GALNTL6: variants seen among roughly 807,000 people sequenced by gnomAD.
GALNTL6 encodes polypeptide N-acetylgalactosaminyltransferase like 6, also known as polypeptide N-acetylgalactosaminyltransferase-like 6.
A neutral mutation model predicts 73.7 loss-of-function variants in GALNTL6; 46 were observed. The ratio of observed to expected loss-of-function variants is 0.62; its 90% CI spans 0.49 to 0.80. The LOEUF (loss-of-function observed/expected upper bound fraction) is 0.80. Among genes scored for constraint, GALNTL6 ranks in the 30% least tolerant of loss-of-function variants. The pLI is 0.00. For synonymous variants in GALNTL6, 259 were observed against 263.7 expected (o/e 0.98, Z 0.17); for missense variants, 604 against 755.0 (o/e 0.80, Z 2.34).
At chr4:172,623,274 G>C (rs374369459) in intron 5 of GALNTL6, among the ~76,000 whole-genome samples, 1 of 152,118 alleles carries the variant, frequency 6.6e-6, no homozygotes, top group East Asian at 1.9e-4. Flanking sequence ...AAAGAAACGT[G>C]AATGCTCTGA....
intron 7 of GALNTL6, among the ~76,000 whole-genome samples, chr4:172,863,154 G>A (rs61613422): frequency 0.024 from 3,720 of 152,276 alleles, 139 homozygotes; most frequent in African/African-American, 0.084. Context: ...TTGCTGCAGG[G>A]GCAGGGACCT....
intron 5 of GALNTL6, among the ~76,000 whole-genome samples, chr4:172,780,770 A>G (rs922208430): frequency 6.6e-6 from 1 of 152,160 alleles, no homozygotes; most frequent in Non-Finnish European, 1.5e-5. Context: ...TTATTACTCA[A>G]TTGAGTTTTG....
intron 5 of GALNTL6, among the ~76,000 whole-genome samples, chr4:172,458,542 A>C (rs1259054324): frequency 1.3e-5 from 2 of 152,174 alleles, no homozygotes; most frequent in African/African-American, 4.8e-5. Flanking sequence ...AGGGGATATC[A>C]CCACTGATCC....
chr4:172,349,524 GTTAT>G (rs1303111821), intron 5 of GALNTL6, among the ~76,000 whole-genome samples: 2 of 152,058 alleles, frequency 1.3e-5, no homozygotes, highest in African/African-American at 2.4e-5. Flanking sequence ...TTTTGGAAAT[GTTAT>G]TTGTCACAGA....
At chr4:172,777,435 T>A (rs2110885430) in intron 5 of GALNTL6, among the ~76,000 whole-genome samples, 1 of 152,332 alleles carries the variant, frequency 6.6e-6, no homozygotes, top group South Asian at 2.1e-4. Context: ...TATCATTTGA[T>A]AGGTCCAGAT....
intron 2 of GALNTL6, among the ~76,000 whole-genome samples, chr4:172,136,583 C>T (rs780374447): frequency 1.3e-5 from 2 of 151,894 alleles, no homozygotes; most frequent in Non-Finnish European, 2.9e-5. Flanking sequence ...TGTTTCCCCA[C>T]GTTGCAGCTT....
chr4:172,053,582 T>C (rs1185154648), intron 2 of GALNTL6, among the ~76,000 whole-genome samples: 1 of 152,156 alleles, frequency 6.6e-6, no homozygotes, highest in Non-Finnish European at 1.5e-5. Context: ...TTTAAAGTAC[T>C]TCAGTATTTA....
chr4:172,829,162 T>C (rs1251501190), intron 7 of GALNTL6, among the ~76,000 whole-genome samples: 3 of 152,190 alleles, frequency 2.0e-5, no homozygotes, highest in Non-Finnish European at 4.4e-5. Flanking sequence ...GCATGCAAGA[T>C]ATTCGCCATC....
chr4:172,340,859 G>A (rs890151983), intron 4 of GALNTL6, among the ~76,000 whole-genome samples: 1 of 152,204 alleles, frequency 6.6e-6, no homozygotes, highest in Non-Finnish European at 1.5e-5. Flanking sequence ...GATAAGGGTT[G>A]TTCCTTTGTA....
chr4:172,752,783 A>T (rs538298238), intron 5 of GALNTL6, among the ~76,000 whole-genome samples: 1 of 152,232 alleles, frequency 6.6e-6, no homozygotes, highest in Admixed American at 6.5e-5. Flanking sequence ...GCTGATTTTA[A>T]AAGTTTTGAA....
At chr4:172,974,325 T>TTC (rs138016193) in intron 10 of GALNTL6, among the ~76,000 whole-genome samples, 11 of 151,796 alleles carry the variant, frequency 7.2e-5, no homozygotes, top group Admixed American at 5.9e-4. Flanking sequence ...CTCTTCCTCT[T>TTC]TCTCTCTCTC....
At chr4:172,086,678 C>T (rs1732043116) in intron 2 of GALNTL6, among the ~76,000 whole-genome samples, 1 of 152,038 alleles carries the variant, frequency 6.6e-6, no homozygotes, top group African/African-American at 2.4e-5. Context: ...TGTTTTTGAC[C>T]TCCATTATTT....
At chr4:172,100,337 C>T (rs1230466158) in intron 2 of GALNTL6, among the ~76,000 whole-genome samples, 1 of 152,018 alleles carries the variant, frequency 6.6e-6, no homozygotes, top group Non-Finnish European at 1.5e-5. Flanking sequence ...AGAATTTCTG[C>T]CTCTTTTATT....
chr4:171,941,634 G>A (rs1285981420), intron 2 of GALNTL6, among the ~76,000 whole-genome samples: 3 of 152,044 alleles, frequency 2.0e-5, no homozygotes. Context: ...GATGGCCAGG[G>A]TTCTTCTGCT....
intron 10 of GALNTL6, among the ~76,000 whole-genome samples, chr4:172,976,724 C>T (rs1258703810): frequency 6.6e-6 from 1 of 152,154 alleles, no homozygotes; most frequent in African/African-American, 2.4e-5. Context: ...CAGCCTGGTC[C>T]ACACAGAAAG....
At chr4:171,945,380 G>T (rs1369236784) in intron 2 of GALNTL6, among the ~76,000 whole-genome samples, 2 of 151,972 alleles carry the variant, frequency 1.3e-5, no homozygotes, top group Non-Finnish European at 2.9e-5. Context: ...AAGTTTTTAA[G>T]GCATAAGAGA....
At chr4:172,768,254 T>C (rs531803225) in intron 5 of GALNTL6, among the ~76,000 whole-genome samples, 2 of 152,228 alleles carry the variant, frequency 1.3e-5, no homozygotes, top group South Asian at 4.1e-4. Context: ...CTCCAGGAAC[T>C]TACAATCAGC....
intron 2 of GALNTL6, among the ~76,000 whole-genome samples, chr4:172,162,573 A>T (rs527457193): frequency 6.6e-6 from 1 of 152,098 alleles, no homozygotes; most frequent in South Asian, 2.1e-4. Flanking sequence ...TTCACTAGGA[A>T]AAAGAGAAAA....
intron 5 of GALNTL6, among the ~76,000 whole-genome samples, chr4:172,803,472 C>T (rs932372790): frequency 1.5e-4 from 23 of 152,188 alleles, no homozygotes; most frequent in African/African-American, 4.6e-4. Context: ...GAAAAATTGT[C>T]TTCCATGTAA....
Sources: allele counts gnomAD v4.1 joint callset (sites outside exome capture counted in the v4.1 genomes callset), GRCh38; gene constraint gnomAD v4.1.1; transcripts MANE v1.5; gene names NCBI Gene and HGNC (gene_info 2026-07-23, HGNC 2026-07-21).